Variants in ZNF503 observed in about 807,000 individuals in gnomAD.
ZNF503 encodes zinc finger protein 503.
ZNF503 carries 15 observed loss-of-function variants against 34.4 expected under a neutral mutation model. The observed-to-expected ratio is 0.44, with a 90% CI of 0.29 to 0.67. The LOEUF (loss-of-function observed/expected upper bound fraction) is 0.67, where lower values mean the gene tolerates loss of function less well. Among genes scored for constraint, ZNF503 ranks in the 30% least tolerant of loss-of-function variants. The pLI is 0.13. For synonymous variants in ZNF503, 580 were observed against 456.8 expected (o/e 1.27, Z -3.44); for missense variants, 1,007 against 926.8 (o/e 1.09, Z -1.12).
the ZNF503 span, among the ~76,000 whole-genome samples, chr10:75,293,640 T>TGTGTGC: frequency 6.6e-6 from 1 of 151,732 alleles, no homozygotes; most frequent in Non-Finnish European, 1.5e-5. Flanking sequence ...ACCATCTGTG[T>TGTGTGC]GTGTGCGTGT....
chr10:75,281,840 T>C, the ZNF503 span, among the ~76,000 whole-genome samples: 3 of 152,138 alleles, frequency 2.0e-5, no homozygotes, highest in Non-Finnish European at 4.4e-5. Context: ...CCCCTCCCCC[T>C]TAGGGGTGTT....
At chr10:75,293,606 C>CCA in the ZNF503 span, among the ~76,000 whole-genome samples, 110,817 of 151,418 alleles carry the variant, frequency 0.73, 41,614 homozygotes, top group African/African-American at 0.87. Flanking sequence ...CCTGGGATTA[C>CCA]CAGAGTGCCC....
chr10:75,323,874 C>T, the ZNF503 span, among the ~76,000 whole-genome samples: 23 of 151,388 alleles, frequency 1.5e-4, no homozygotes, highest in African/African-American at 5.3e-4. Flanking sequence ...TGGTGGTGTG[C>T]ACCTGTAATC....
chr10:75,398,763 G>A lies in ZNF503; in HGVS notation c.1927C>T (p.Leu643=), dbSNP rs933255185. 2.1e-6 allele frequency: 3 copies of A among 1,411,834 alleles called. No individual in the cohort carries two copies. The highest frequency in any genetic ancestry group is 2.8e-6 in the Non-Finnish European group (3 of 1,087,318). 87.5% of individuals were successfully genotyped at this position (1,411,834 alleles called of 1,614,324 possible). A position where few individuals can be genotyped will look rare whatever the true frequency, so the allele number is the denominator to read the frequency against. Residue 643 remains leucine (L), a synonymous_variant, in exon 2 of 2, where the codon CTG becomes TTG. Coordinates refer to ENST00000372524, the MANE Select transcript of ZNF503 (RefSeq NM_032772.6). ...CCCGGCCGCCCTCACTGATACCCCA[G>A]CGCCGAGGCGGTGGTCAGTCTCTGT... The part of the protein sequence containing the change: ...YGQRLTTASA[L]GYQ
At position 75,401,182 on chromosome 10, in the gene ZNF503, G is replaced by A. The variant is rs755038956; in HGVS notation, c.238C>T (p.Leu80=). The A allele has an allele frequency of 2.8e-5, 45 of 1,610,534 alleles. No individual in the cohort carries two copies. The African/African-American group carries it at 5.1e-4, about 18-fold the overall frequency. Reference sequence around the variant, plus strand: ...AAAATGTGGCCAGTTCGTGCCGTCAGCATCTTCAGCACCTTGATTGGCAGG... The same window carrying A: ...AAAATGTGGCCAGTTCGTGCCGTCAACATCTTCAGCACCTTGATTGGCAGG... The part of the protein sequence containing the change: ...NRLPIKVLKM[L]TARTGHILHP... Residue 80 remains leucine, a synonymous_variant, in exon 1 of 2, where the codon CTG becomes TTG. Coordinates refer to ENST00000372524, the MANE Select transcript of ZNF503 (RefSeq NM_032772.6).
the ZNF503 span, among the ~76,000 whole-genome samples, chr10:75,370,059 AAAATAAATAAATAAAT>A: frequency 9.8e-5 from 14 of 142,778 alleles, no homozygotes; most frequent in East Asian, 1.4e-3. Context: ...ACTACATGTC[AAAATAAATAAATAAAT>A]AAATAAATAA....
the ZNF503 span, among the ~76,000 whole-genome samples, chr10:75,291,985 G>T: frequency 1.3e-5 from 2 of 152,168 alleles, no homozygotes; most frequent in Non-Finnish European, 2.9e-5. Flanking sequence ...GTCTTGCTTG[G>T]GGATGGGCAC....
At chr10:75,367,187 C>T in the ZNF503 span, among the ~76,000 whole-genome samples, 10 of 152,234 alleles carry the variant, frequency 6.6e-5, no homozygotes, top group African/African-American at 2.2e-4. Flanking sequence ...AAGAATTTCC[C>T]TCCCCCAGCT....
At chr10:75,320,332 A>G in the ZNF503 span, among the ~76,000 whole-genome samples, 1 of 151,946 alleles carries the variant, frequency 6.6e-6, no homozygotes, top group African/African-American at 2.4e-5. Context: ...AAATATAAAA[A>G]TTAGCTGGCG....
chr10:75,357,578 A>C, the ZNF503 span, among the ~76,000 whole-genome samples: 2 of 152,206 alleles, frequency 1.3e-5, no homozygotes, highest in African/African-American at 4.8e-5. Context: ...CTGGACTCCA[A>C]GCATTTTATG....
chr10:75,293,422 C>T, the ZNF503 span, among the ~76,000 whole-genome samples: 80 of 152,268 alleles, frequency 5.3e-4, no homozygotes, highest in East Asian at 0.015. Context: ...TGACCCTGTG[C>T]CATGAGGAGG....
At chr10:75,377,932 G>A in the ZNF503 span, among the ~76,000 whole-genome samples, 51 of 152,140 alleles carry the variant, frequency 3.4e-4, no homozygotes, top group African/African-American at 1.2e-3. Flanking sequence ...GGAAACTTTC[G>A]ATCATGGTGG....
chr10:75,329,526 G>T, the ZNF503 span, among the ~76,000 whole-genome samples: 3 of 149,916 alleles, frequency 2.0e-5, no homozygotes, highest in Admixed American at 2.0e-4. Context: ...GTGCAGTGGC[G>T]TGCTCATAGC....
At chr10:75,339,551 G>A in the ZNF503 span, among the ~76,000 whole-genome samples, 1 of 152,182 alleles carries the variant, frequency 6.6e-6, no homozygotes, top group African/African-American at 2.4e-5. Flanking sequence ...TCAAGGTGCT[G>A]TGACACGCTG....
the ZNF503 span, among the ~76,000 whole-genome samples, chr10:75,350,654 C>T: frequency 6.6e-6 from 1 of 152,080 alleles, no homozygotes; most frequent in Non-Finnish European, 1.5e-5. Flanking sequence ...CTCAAGCAAT[C>T]CTCCTGCCTC....
downstream of ZNF503, among the ~76,000 whole-genome samples, chr10:75,397,230 A>G (rs1463077413): frequency 1.3e-5 from 2 of 150,992 alleles, no homozygotes; most frequent in Admixed American, 1.3e-4. Context: ...GGTGGGGGTG[A>G]GGGCGAGGGT....
At chr10:75,369,820 A>G in the ZNF503 span, among the ~76,000 whole-genome samples, 2 of 152,214 alleles carry the variant, frequency 1.3e-5, no homozygotes, top group African/African-American at 4.8e-5. Context: ...TAATCCCAGC[A>G]CTTTGGGAGG....
downstream of ZNF503, among the ~76,000 whole-genome samples, chr10:75,396,453 T>C (rs977117571): frequency 6.6e-5 from 10 of 151,744 alleles, no homozygotes; most frequent in Non-Finnish European, 1.2e-4. This position sits in a 1 kb window ranked among gnomAD's most constrained non-coding sequence, Gnocchi z 4.4. Flanking sequence ...TGGCTTTGCG[T>C]GCAACCCGGG....
At chr10:75,325,484 C>A in the ZNF503 span, among the ~76,000 whole-genome samples, 3 of 152,046 alleles carry the variant, frequency 2.0e-5, no homozygotes, top group African/African-American at 7.2e-5. Flanking sequence ...CAAGGCACAG[C>A]ACCCAGCTCC....
Sources: allele counts gnomAD v4.1 joint callset (sites outside exome capture counted in the v4.1 genomes callset), GRCh38; gene constraint gnomAD v4.1.1; non-coding constraint Gnocchi (gnomAD v3.1); transcripts MANE v1.5; gene names NCBI Gene and HGNC (gene_info 2026-07-23, HGNC 2026-07-21).